HOMER1: variants seen among roughly 807,000 people sequenced by gnomAD.
The protein encoded by HOMER1 is homer scaffold protein 1.
A neutral mutation model predicts 48.9 loss-of-function variants in HOMER1; 3 were observed. That is an observed-to-expected ratio of 0.06 (90% CI 0.03 to 0.16). The LOEUF (loss-of-function observed/expected upper bound fraction) is 0.16. HOMER1 is among the 10% of genes least tolerant of loss of function. The pLI, the probability that HOMER1 is intolerant of heterozygous loss-of-function variation, is 1.00. For synonymous variants in HOMER1, 134 were observed against 146.4 expected, an observed-to-expected ratio of 0.92 and a Z score of 0.61; for missense variants, 247 against 411.4, an observed-to-expected ratio of 0.60 and a Z score of 3.46.
chr5:79,396,972 TG>T, intron 7 of HOMER1, 69 bp from the exon 8 acceptor site: 1 of 805,176 alleles, frequency 1.2e-6, no homozygotes, highest in Non-Finnish European at 2.0e-6. Flanking sequence ...TGTTTTTCCC[TG>T]AAATTATTGT....
At chr5:79,479,193 C>T (rs1450303294) in intron 1 of HOMER1, among the ~76,000 whole-genome samples, 3 of 152,050 alleles carry the variant, frequency 2.0e-5, no homozygotes, top group Admixed American at 1.3e-4. Flanking sequence ...AAATGTAGGA[C>T]TGCATAAAAA....
At chr5:79,452,865 C>T (rs1751067014) in intron 2 of HOMER1, among the ~76,000 whole-genome samples, 2 of 152,130 alleles carry the variant, frequency 1.3e-5, no homozygotes, top group Admixed American at 6.6e-5. Context: ...CTTAGCATAT[C>T]ATTTGGGATG....
chr5:79,414,822 C>T (rs1749901787), intron 5 of HOMER1, among the ~76,000 whole-genome samples: 1 of 152,128 alleles, frequency 6.6e-6, no homozygotes, highest in Non-Finnish European at 1.5e-5. Context: ...CATCCACCAC[C>T]TTTGCAACAT....
At chr5:79,431,045 T>C (rs879156153) in intron 5 of HOMER1, among the ~76,000 whole-genome samples, 1 of 151,494 alleles carries the variant, frequency 6.6e-6, no homozygotes, top group Non-Finnish European at 1.5e-5. Flanking sequence ...TAAAAACACA[T>C]GCTGGCCTGG....
intron 5 of HOMER1, among the ~76,000 whole-genome samples, chr5:79,429,896 G>A (rs576477456): frequency 3.9e-5 from 6 of 152,002 alleles, no homozygotes; most frequent in East Asian, 1.9e-4. Flanking sequence ...GGCGGCGGGC[G>A]CCTGTAGTCC....
chr5:79,393,087 A>C (rs1263426379), intron 8 of HOMER1, among the ~76,000 whole-genome samples: 2 of 152,142 alleles, frequency 1.3e-5, no homozygotes, highest in Non-Finnish European at 2.9e-5. Flanking sequence ...TATTCTTGCA[A>C]CTTTTCTGTA....
chr5:79,384,748 A>C (rs1166687446), intron 8 of HOMER1, among the ~76,000 whole-genome samples: 1 of 152,202 alleles, frequency 6.6e-6, no homozygotes, highest in Non-Finnish European at 1.5e-5. Flanking sequence ...AAAATCCTCA[A>C]CAAAATACCA....
chr5:79,422,825 C>CTTT (rs1750137922), intron 5 of HOMER1, among the ~76,000 whole-genome samples: 2 of 143,100 alleles, frequency 1.4e-5, no homozygotes, highest in African/African-American at 5.3e-5. Context: ...AAAAGATGAT[C>CTTT]TCTTTTTTTT....
At chr5:79,500,873 C>T (rs1317239240) in intron 1 of HOMER1, among the ~76,000 whole-genome samples, 2 of 151,534 alleles carry the variant, frequency 1.3e-5, no homozygotes, top group African/African-American at 4.9e-5. Context: ...GATCCGCCCG[C>T]CTCAGCCTCC....
At chr5:79,500,046 T>C (rs898027422) in intron 1 of HOMER1, among the ~76,000 whole-genome samples, 2 of 152,140 alleles carry the variant, frequency 1.3e-5, no homozygotes, top group African/African-American at 2.4e-5. Flanking sequence ...GTGCTGCAGA[T>C]TGAGGTCTGC....
chr5:79,404,044 T>C (rs1749597846), intron 5 of HOMER1, among the ~76,000 whole-genome samples: 1 of 152,230 alleles, frequency 6.6e-6, no homozygotes, highest in South Asian at 2.1e-4. Context: ...AACTGAATTA[T>C]AGATTTTTCT....
chr5:79,450,767 C>T (rs1436687068), intron 3 of HOMER1, among the ~76,000 whole-genome samples: 2 of 152,210 alleles, frequency 1.3e-5, no homozygotes, highest in Non-Finnish European at 2.9e-5. Flanking sequence ...CAATTAACCA[C>T]ATAAATCCTT....
In HOMER1 at chr5:79,513,034, A is replaced by G; in HGVS notation, c.-260T>C. On this transcript the variant is annotated 5_prime_UTR_variant, in exon 1 of 9. Coordinates refer to ENST00000334082, the MANE Select transcript of HOMER1 (RefSeq NM_004272.5). Reference sequence around the variant, plus strand: ...ATGCTTTGCGGAGGAGACAGCGATCAACTCTATTCCACAAAATGAGTCTAC... The same window carrying G: ...ATGCTTTGCGGAGGAGACAGCGATCGACTCTATTCCACAAAATGAGTCTAC... 1 of 549,846 alleles carries G rather than the reference A, an allele frequency of 1.8e-6. No individual in the cohort carries two copies. The highest frequency in any genetic ancestry group is 2.2e-5 in the South Asian group (1 of 44,950). The allele number at this position is 549,846 out of a possible 1,614,324, so 34.1% of individuals were successfully genotyped here.
intron 8 of HOMER1, among the ~76,000 whole-genome samples, chr5:79,384,357 C>T (rs985020986): frequency 6.6e-5 from 10 of 151,936 alleles, no homozygotes; most frequent in Non-Finnish European, 1.2e-4. Flanking sequence ...CAAAAGATTA[C>T]GAGAGACTAT....
intron 5 of HOMER1, among the ~76,000 whole-genome samples, chr5:79,430,929 T>C (rs1036268756): frequency 4.8e-5 from 7 of 146,236 alleles, no homozygotes; most frequent in African/African-American, 1.8e-4. Context: ...CTCAAAAAAA[T>C]AAAAATAAAA....
At chr5:79,482,787 G>A (rs776777918) in intron 1 of HOMER1, among the ~76,000 whole-genome samples, 12 of 151,722 alleles carry the variant, frequency 7.9e-5, no homozygotes, top group Non-Finnish European at 5.9e-5. Context: ...CTTGAGGCCA[G>A]GAGTTCAAGA....
In HOMER1 at chr5:79,391,426, G is replaced by A. The variant is rs114595027; in HGVS notation, c.876+5397C>T. ...ATTACAGGTGTGAACCACCGCGCCT[G>A]GCCAAAATCTTTTTTTTTTTATGTA... On this transcript the variant is annotated intron_variant, in intron 8 of 8. Coordinates refer to ENST00000334082, the MANE Select transcript of HOMER1 (RefSeq NM_004272.5). Among the ~76,000 whole-genome samples, 1,164 of 151,498 alleles carry A rather than the reference G, an allele frequency of 7.7e-3. 12 individuals are homozygous for A. Among genetic ancestry groups the A allele is most frequent in the African/African-American group, 0.025 (1,041 of 41,230 alleles).
intron 3 of HOMER1, among the ~76,000 whole-genome samples, chr5:79,449,938 T>A (rs1177105204): frequency 6.6e-6 from 1 of 152,058 alleles, no homozygotes; most frequent in Non-Finnish European, 1.5e-5. Flanking sequence ...GAAAATAAAA[T>A]AGATTCAATA....
intron 5 of HOMER1, among the ~76,000 whole-genome samples, chr5:79,403,777 CACTCTGT>C (rs1305414782): frequency 6.6e-6 from 1 of 152,116 alleles, no homozygotes; most frequent in Non-Finnish European, 1.5e-5. Context: ...TGTATACGGG[CACTCTGT>C]ACAGTTTTTG....
Sources: gnomAD v4.1 joint callset for allele counts (sites outside exome capture counted in the v4.1 genomes callset) on GRCh38, gnomAD v4.1.1 for gene constraint, MANE v1.5 for transcripts, NCBI Gene and HGNC (gene_info 2026-07-23, HGNC 2026-07-21) for gene names.